Variants in PLXNA4 observed in about 807,000 individuals in gnomAD.
PLXNA4 encodes plexin-A4.
PLXNA4 carries 44 observed loss-of-function variants against 191.8 expected under a neutral mutation model. The ratio of observed to expected loss-of-function variants is 0.23; its 90% CI spans 0.18 to 0.29. The LOEUF (loss-of-function observed/expected upper bound fraction) is 0.29. Ranked by LOEUF, PLXNA4 falls within the 10% of genes least tolerant of loss-of-function variation. The pLI, the probability that PLXNA4 is intolerant of heterozygous loss-of-function variation, is 1.00. For missense variants in PLXNA4, 1,800 were observed against 2,488.8 expected (o/e 0.72, Z 5.89); for synonymous variants, 1,082 against 1,009.5 (o/e 1.07, Z -1.36).
At chr7:132,201,438 A>G (rs939872015) in intron 12 of PLXNA4, among the ~76,000 whole-genome samples, 2 of 152,190 alleles carry the variant, frequency 1.3e-5, no homozygotes, top group African/African-American at 4.8e-5. Flanking sequence ...TGTGCCTGCC[A>G]CTGTTAAGTG....
intron 1 of PLXNA4, among the ~76,000 whole-genome samples, chr7:132,646,946 C>A (rs1411666849): frequency 1.3e-5 from 2 of 151,682 alleles, no homozygotes; most frequent in African/African-American, 2.4e-5. Context: ...CACACATATA[C>A]AAACACACGC....
chr7:132,585,820 G>A (rs1432272587), intron 2 of PLXNA4, among the ~76,000 whole-genome samples: 1 of 152,094 alleles, frequency 6.6e-6, no homozygotes, highest in Non-Finnish European at 1.5e-5. Flanking sequence ...CATGGGTGGG[G>A]GCTCTACCCT....
At chr7:132,363,613 G>A (rs184875075) in intron 3 of PLXNA4, among the ~76,000 whole-genome samples, 102 of 152,310 alleles carry the variant, frequency 6.7e-4, no homozygotes, top group Middle Eastern at 6.8e-3. Flanking sequence ...CATTTGGGTT[G>A]CTTCCATCTT....
Position 132,177,135 on chromosome 7 carries a change from G to A in PLXNA4, c.3875-2215C>T, listed in dbSNP as rs146167717. On this transcript the variant is annotated intron_variant, in intron 20 of 31. Coordinates refer to ENST00000321063, the MANE Select transcript of PLXNA4 (RefSeq NM_020911.2). The stretch of plus-strand genomic sequence containing the variant: ...TGTGAAAGCATGAGTGTGTGAGCAT[G>A]TCACTATGTGTGGGCATGTATGTGT... Among the ~76,000 whole-genome samples, 591 of 151,806 alleles carry A rather than the reference G, an allele frequency of 3.9e-3. 6 individuals are homozygous for A. Among genetic ancestry groups the A allele is most frequent in the African/African-American group, 0.013 (559 of 41,426 alleles).
chr7:132,311,033 G>A (rs1184456732), intron 3 of PLXNA4, among the ~76,000 whole-genome samples: 2 of 152,174 alleles, frequency 1.3e-5, no homozygotes, highest in African/African-American at 4.8e-5. Flanking sequence ...AAATGATGGA[G>A]TTTCATTTTG....
intron 1 of PLXNA4, among the ~76,000 whole-genome samples, chr7:132,566,302 T>TCA (rs113920133): frequency 0.021 from 3,192 of 152,000 alleles, 116 homozygotes; most frequent in African/African-American, 0.073. Context: ...TCCCTCTCTC[T>TCA]CTCACACACA....
intron 2 of PLXNA4, among the ~76,000 whole-genome samples, chr7:132,629,859 T>C (rs1803456922): frequency 6.6e-6 from 1 of 151,378 alleles, no homozygotes; most frequent in African/African-American, 2.4e-5. Flanking sequence ...TCTCTTCTCT[T>C]TTTTTTTTGA....
intron 4 of PLXNA4, among the ~76,000 whole-genome samples, chr7:132,285,693 A>G (rs1800657889): frequency 6.6e-6 from 1 of 152,262 alleles, no homozygotes; most frequent in South Asian, 2.1e-4. Context: ...GCATCAATTT[A>G]CTTTTGAAAA....
chr7:132,249,288 G>A lies in PLXNA4; in HGVS notation c.1504-8122C>T, dbSNP rs560957956. On this transcript the variant is annotated intron_variant, in intron 4 of 31. Coordinates refer to ENST00000321063, the MANE Select transcript of PLXNA4 (RefSeq NM_020911.2). ...ATACAAATGATTTGGGAAGCTTCTT[G>A]TAAATGAAAAGTAGCAGATGTTGTG... 3.9e-5 allele frequency among the ~76,000 whole-genome samples: 6 copies of A among 152,354 alleles called. No homozygotes were observed. The South Asian group carries it at 1.2e-3, about 32-fold the overall frequency.
intron 3 of PLXNA4, among the ~76,000 whole-genome samples, chr7:132,455,026 G>T (rs1796262061): frequency 6.6e-6 from 1 of 152,210 alleles, no homozygotes; most frequent in South Asian, 2.1e-4. Flanking sequence ...TCCCTGCACT[G>T]GGTGGCAGCC....
Position 132,228,469 on chromosome 7 carries a change from A to C in PLXNA4, c.1605T>G (p.Thr535=), listed in dbSNP as rs752577095. 87 of 1,613,986 alleles carry C rather than the reference A, an allele frequency of 5.4e-5. No homozygotes were observed. The highest frequency in any genetic ancestry group is 7.4e-5 in the Non-Finnish European group (87 of 1,179,998). Residue 535 remains threonine, a splice_region_variant and synonymous_variant, in exon 6 of 32, where the codon ACT becomes ACG. Transcript: ENST00000321063. ...GCTCACACCGCTCCTTCCGGGTGCAACTGGGAAGGACATACCCTCGAGTTA... is the reference window on the plus strand; with the variant it reads ...GCTCACACCGCTCCTTCCGGGTGCACCTGGGAAGGACATACCCTCGAGTTA... ...PHCGWCVLHN[T]CTRKERCERS...
At chr7:132,506,762 C>T (rs548464724) in intron 2 of PLXNA4, among the ~76,000 whole-genome samples, 58 of 152,342 alleles carry the variant, frequency 3.8e-4, no homozygotes, top group African/African-American at 1.3e-3. Flanking sequence ...AACCCTTCTC[C>T]TGCTCTCCCT....
chr7:132,243,106 T>C (rs1043356059), intron 4 of PLXNA4, among the ~76,000 whole-genome samples: 4 of 152,208 alleles, frequency 2.6e-5, no homozygotes, highest in African/African-American at 9.6e-5. Context: ...GTATGTCTCA[T>C]ATTAAAAATA....
chr7:132,315,330 C>G (rs1215268488), intron 3 of PLXNA4, among the ~76,000 whole-genome samples: 1 of 152,184 alleles, frequency 6.6e-6, no homozygotes, highest in Non-Finnish European at 1.5e-5. Flanking sequence ...TTTCTACCCT[C>G]AAAGACTTCT....
At chr7:132,284,313 C>A (rs1234227399) in intron 4 of PLXNA4, among the ~76,000 whole-genome samples, 1 of 152,234 alleles carries the variant, frequency 6.6e-6, no homozygotes, top group African/African-American at 2.4e-5. Context: ...AAATACTGGA[C>A]TAACTAACTG....
chr7:132,165,087 G>C, intron 23 of PLXNA4, 47 bp downstream of exon 23: 2 of 1,597,830 alleles, frequency 1.3e-6, no homozygotes, highest in Non-Finnish European at 1.7e-6. Flanking sequence ...TCAGGCTGCA[G>C]AGAATGAACG....
intron 3 of PLXNA4, among the ~76,000 whole-genome samples, chr7:132,366,425 G>A (rs1804188622): frequency 6.6e-6 from 1 of 152,150 alleles, no homozygotes; most frequent in African/African-American, 2.4e-5. Context: ...TCAGGAGGCT[G>A]AGGCAGGGGA....
chr7:132,312,883 T>C (rs10239640), intron 3 of PLXNA4, among the ~76,000 whole-genome samples: 151,779 of 152,328 alleles, frequency 1, 75,617 homozygotes, highest in Middle Eastern at 1. Context: ...CTTATTTACA[T>C]GAGGGGTCCA....
chr7:132,517,684 A>C (rs968286152), intron 1 of PLXNA4, among the ~76,000 whole-genome samples: 2 of 152,184 alleles, frequency 1.3e-5, no homozygotes, highest in African/African-American at 4.8e-5. Context: ...TTCCAAAGCC[A>C]GATTGCAAGT....
Sources: gnomAD v4.1 joint callset for allele counts (sites outside exome capture counted in the v4.1 genomes callset) on GRCh38, gnomAD v4.1.1 for gene constraint, MANE v1.5 for transcripts, NCBI Gene and HGNC (gene_info 2026-07-23, HGNC 2026-07-21) for gene names.